The following SDK1 variants were observed in gnomAD, a reference collection of about 807,000 sequenced individuals.
SDK1 encodes protein sidekick-1.
SDK1 carries 157 observed loss-of-function variants against 245.5 expected under a neutral mutation model. The observed-to-expected ratio is 0.64, with a 90% CI of 0.56 to 0.73. The LOEUF (loss-of-function observed/expected upper bound fraction) is 0.73, where lower values mean the gene tolerates loss of function less well. Among genes scored for constraint, SDK1 ranks in the 30% least tolerant of loss-of-function variants. The pLI, the probability that SDK1 is intolerant of heterozygous loss-of-function variation, is 0.00. For synonymous variants in SDK1, 1,647 were observed against 1,278.5 expected (o/e 1.29, Z -6.15); for missense variants, 3,583 against 3,002.3 (o/e 1.19, Z -4.52).
chr7:3,389,332 T>C (rs1199197748), intron 1 of SDK1, among the ~76,000 whole-genome samples: 5 of 152,078 alleles, frequency 3.3e-5, no homozygotes, highest in Non-Finnish European at 7.4e-5. Context: ...ACAAGTGACC[T>C]TATAAGAGAG....
chr7:3,474,294 C>T (rs1490722011), intron 1 of SDK1, among the ~76,000 whole-genome samples: 6 of 151,570 alleles, frequency 4.0e-5, no homozygotes, highest in Non-Finnish European at 2.9e-5. Context: ...CGGGGTTTCA[C>T]CATGTTGGCC....
intron 1 of SDK1, among the ~76,000 whole-genome samples, chr7:3,365,911 C>T (rs1177431061): frequency 6.6e-6 from 1 of 151,980 alleles, no homozygotes; most frequent in Non-Finnish European, 1.5e-5. Flanking sequence ...TGGTGGCGGG[C>T]ACCGGTAATC....
chr7:3,379,688 C>T (rs758137049), intron 1 of SDK1, among the ~76,000 whole-genome samples: 3 of 152,076 alleles, frequency 2.0e-5, no homozygotes, highest in African/African-American at 7.2e-5. Context: ...GAGCATTTTA[C>T]AATGCAAACA....
intron 8 of SDK1, among the ~76,000 whole-genome samples, chr7:3,960,686 G>A (rs1781606069): frequency 6.6e-6 from 1 of 152,122 alleles, no homozygotes; most frequent in South Asian, 2.1e-4. Flanking sequence ...AGCGGCTGCT[G>A]TCCACGGCTC....
At chr7:3,870,820 G>A (rs1450939430) in intron 5 of SDK1, among the ~76,000 whole-genome samples, 1 of 152,058 alleles carries the variant, frequency 6.6e-6, no homozygotes, top group Non-Finnish European at 1.5e-5. Context: ...CCACTCCAAG[G>A]CATCATGTTG....
chr7:3,493,395 A>G (rs1319903262), intron 1 of SDK1, among the ~76,000 whole-genome samples: 1 of 152,198 alleles, frequency 6.6e-6, no homozygotes, highest in Admixed American at 6.5e-5. Flanking sequence ...GATTTACTGT[A>G]TTCATCAGAT....
At chr7:3,527,743 G>T (rs1291550328) in intron 1 of SDK1, among the ~76,000 whole-genome samples, 2 of 150,394 alleles carry the variant, frequency 1.3e-5, no homozygotes, top group Non-Finnish European at 3.0e-5. Flanking sequence ...GGTAAGGTTG[G>T]ATGATAGCTA....
intron 28 of SDK1, 44 bp from the exon 29 acceptor site, chr7:4,145,678 G>A (rs777299490): frequency 1.9e-6 from 3 of 1,546,574 alleles, no homozygotes; most frequent in Non-Finnish European, 2.6e-6. Context: ...CCTGTGCCGT[G>A]GGTGACTGGC....
chr7:3,392,948 G>C (rs539089041), intron 1 of SDK1, among the ~76,000 whole-genome samples: 2 of 143,592 alleles, frequency 1.4e-5, no homozygotes, highest in East Asian at 4.0e-4. Context: ...ATCTGTTTGA[G>C]TCCCTGTTTT....
At chr7:3,875,932 T>C (rs6462411) in intron 5 of SDK1, among the ~76,000 whole-genome samples, 50,015 of 152,096 alleles carry the variant, frequency 0.33, 11,134 homozygotes, top group African/African-American at 0.64. Context: ...CCAGCTTCTT[T>C]GTTCTCTCAC....
At chr7:3,397,735 C>A (rs1396315210) in intron 1 of SDK1, among the ~76,000 whole-genome samples, 1 of 151,952 alleles carries the variant, frequency 6.6e-6, no homozygotes, top group African/African-American at 2.4e-5. Flanking sequence ...TTTTGGCTAT[C>A]ATTTCTGTTG....
intron 1 of SDK1, among the ~76,000 whole-genome samples, chr7:3,445,804 G>A (rs534577149): frequency 6.2e-4 from 94 of 150,920 alleles, no homozygotes; most frequent in Non-Finnish European, 1.2e-3. Context: ...GAAAACTCAA[G>A]AGAAGACAGT....
rs77872336 is a variant in SDK1, at chr7:3,302,975, G to A, written c.298+1091G>A. Reference sequence around the variant, plus strand: ...ATGTTGTAACATTTTAAAGGTCTGAGCTCAAAACTATCATCCAATAGCTTA... The same window carrying A: ...ATGTTGTAACATTTTAAAGGTCTGAACTCAAAACTATCATCCAATAGCTTA... On this transcript the variant is annotated intron_variant, in intron 1 of 44. Coordinates refer to ENST00000404826, the MANE Select transcript of SDK1 (RefSeq NM_152744.4). 6.2e-3 allele frequency among the ~76,000 whole-genome samples: 941 copies of A among 152,148 alleles called. 12 individuals carry two copies. The highest frequency in any genetic ancestry group is 0.021 in the African/African-American group (882 of 41,506).
At chr7:3,907,883 G>A (rs981253794) in intron 5 of SDK1, among the ~76,000 whole-genome samples, 1 of 152,140 alleles carries the variant, frequency 6.6e-6, no homozygotes, top group African/African-American at 2.4e-5. Context: ...GAGTTTCAGT[G>A]GAACTAGAAT....
chr7:3,663,402 G>A (rs773335471), intron 4 of SDK1, among the ~76,000 whole-genome samples: 1 of 152,200 alleles, frequency 6.6e-6, no homozygotes, highest in Admixed American at 6.5e-5. Flanking sequence ...GAAATATATA[G>A]GGAAGTGGGA....
intron 1 of SDK1, among the ~76,000 whole-genome samples, chr7:3,355,382 C>T (rs575154831): frequency 6.6e-6 from 1 of 152,188 alleles, no homozygotes; most frequent in African/African-American, 2.4e-5. Context: ...ATGGTGCGAT[C>T]GTAGCTCGCC....
In SDK1 at chr7:3,481,619, C is replaced by T. The variant is rs535601533; in HGVS notation, c.299-137461C>T. 3.6e-4 allele frequency among the ~76,000 whole-genome samples: 55 copies of T among 152,314 alleles called. 2 individuals are homozygous for T. The South Asian group carries it at 0.011, about 31-fold the overall frequency. On this transcript the variant is annotated intron_variant, in intron 1 of 44. Transcript: ENST00000404826. ...CTTCCTTCCCACATACAAGCCCTTC[C>T]TGTGTACAGGGTTACCTCAGGGCTC... is the stretch of plus-strand genomic sequence containing the variant.
At chr7:3,604,079 G>C (rs956422693) in intron 1 of SDK1, among the ~76,000 whole-genome samples, 23 of 152,280 alleles carry the variant, frequency 1.5e-4, no homozygotes, top group African/African-American at 5.3e-4. Context: ...CTGGATTTCG[G>C]TTTGCCAGTA....
chr7:4,047,931 C>T (rs533832631), intron 17 of SDK1, among the ~76,000 whole-genome samples: 1 of 152,326 alleles, frequency 6.6e-6, no homozygotes, highest in African/African-American at 2.4e-5. Context: ...ACACATTTTA[C>T]AGGATGGCAA....
Sources: allele counts gnomAD v4.1 joint callset (sites outside exome capture counted in the v4.1 genomes callset), GRCh38; gene constraint gnomAD v4.1.1; transcripts MANE v1.5; gene names NCBI Gene and HGNC (gene_info 2026-07-23, HGNC 2026-07-21).